Variants in ZMYND8 observed in about 807,000 individuals in gnomAD.
The protein encoded by ZMYND8 is zinc finger MYND-type containing 8, also known as MYND-type zinc finger-containing chromatin reader ZMYND8.
ZMYND8 carries 37 observed loss-of-function variants against 140.8 expected under a neutral mutation model. The observed-to-expected ratio is 0.26, with a 90% CI of 0.20 to 0.35. ZMYND8 has a LOEUF of 0.35. ZMYND8 is among the 10% of genes least tolerant of loss of function. The pLI, the probability that ZMYND8 is intolerant of heterozygous loss-of-function variation, is 1.00. For synonymous variants in ZMYND8, 592 were observed against 597.1 expected (o/e 0.99, Z 0.12); for missense variants, 1,068 against 1,570.0 (o/e 0.68, Z 5.40).
intron 11 of ZMYND8, among the ~76,000 whole-genome samples, chr20:47,270,373 C>CAAAAAA (rs10659368): frequency 8.6e-5 from 4 of 46,472 alleles, no homozygotes; most frequent in East Asian, 5.8e-4. Flanking sequence ...AACTCCATCT[C>CAAAAAA]AAAAAAAAAA....
intron 11 of ZMYND8, among the ~76,000 whole-genome samples, chr20:47,274,666 C>T (rs1324941340): frequency 6.6e-6 from 1 of 152,170 alleles, no homozygotes; most frequent in African/African-American, 2.4e-5. Flanking sequence ...AGCTCTATGA[C>T]TCAACCATGA....
At chr20:47,251,220 T>C (rs1357637243) in intron 12 of ZMYND8, among the ~76,000 whole-genome samples, 1 of 152,058 alleles carries the variant, frequency 6.6e-6, no homozygotes, top group Non-Finnish European at 1.5e-5. Flanking sequence ...TATCAGGGCT[T>C]TAAAGACAGG....
chr20:47,290,043 A>C (rs1166808852), intron 7 of ZMYND8, 144 bp downstream of exon 7: 1 of 682,106 alleles, frequency 1.5e-6, no homozygotes, highest in Non-Finnish European at 2.2e-6. Context: ...GAACTTGGTC[A>C]CTGCCTCCTA....
chr20:47,348,114 A>C, intron 1 of ZMYND8, 188 bp from the exon 2 acceptor site: 3 of 635,332 alleles, frequency 4.7e-6, no homozygotes, highest in Non-Finnish European at 8.4e-6. Context: ...TTTTTAAAAC[A>C]CTAGGTTGTT....
intron 2 of ZMYND8, among the ~76,000 whole-genome samples, chr20:47,338,805 G>A (rs567371954): frequency 4.6e-5 from 7 of 152,020 alleles, no homozygotes; most frequent in South Asian, 4.2e-4. Context: ...CCAAGCACCC[G>A]AGAAAATCCT....
At chr20:47,311,848 T>G (rs1480906006) in intron 2 of ZMYND8, among the ~76,000 whole-genome samples, 1 of 151,974 alleles carries the variant, frequency 6.6e-6, no homozygotes, top group Non-Finnish European at 1.5e-5. Context: ...CAAGCCTGGG[T>G]GACAAAAGTG....
At chr20:47,277,757 G>A (rs185834121) in intron 10 of ZMYND8, among the ~76,000 whole-genome samples, 3 of 151,792 alleles carry the variant, frequency 2.0e-5, no homozygotes, top group East Asian at 1.9e-4. Context: ...TGCAACCTCC[G>A]TCTCCTGGGT....
intron 12 of ZMYND8, among the ~76,000 whole-genome samples, chr20:47,254,229 T>C (rs1483003384): frequency 1.3e-5 from 2 of 152,122 alleles, no homozygotes; most frequent in South Asian, 2.1e-4. Flanking sequence ...GGATGAAAAA[T>C]ACTCACGCTA....
At chr20:47,286,761 T>C (rs1007087652) in intron 8 of ZMYND8, among the ~76,000 whole-genome samples, 3 of 152,176 alleles carry the variant, frequency 2.0e-5, no homozygotes, top group African/African-American at 7.2e-5. Flanking sequence ...GTCTGTTCCA[T>C]CCACGCCATC....
chr20:47,286,865 C>A (rs528852028), intron 8 of ZMYND8, among the ~76,000 whole-genome samples: 3 of 152,330 alleles, frequency 2.0e-5, no homozygotes, highest in African/African-American at 7.2e-5. Flanking sequence ...ATATCAAATC[C>A]TCTTCTGCAA....
chr20:47,334,427 A>G (rs892737681), intron 2 of ZMYND8, among the ~76,000 whole-genome samples: 1 of 152,088 alleles, frequency 6.6e-6, no homozygotes, highest in African/African-American at 2.4e-5. Context: ...GATTCCATTT[A>G]TATGAAATGT....
intron 11 of ZMYND8, 84 bp downstream of exon 11, chr20:47,276,230 C>CCT: frequency 6.9e-7 from 1 of 1,447,718 alleles, no homozygotes; most frequent in Non-Finnish European, 9.1e-7. Context: ...TTGATGCTCA[C>CCT]CTGCTTGGGC....
chr20:47,220,233 G>A (rs1474703861), intron 21 of ZMYND8, 25 bp downstream of exon 21: 5 of 1,547,836 alleles, frequency 3.2e-6, no homozygotes, highest in Admixed American at 1.9e-5. Context: ...TGAAAGCACC[G>A]TTCGCCCACC....
chr20:47,307,048 CTA>C (rs2078543291), intron 3 of ZMYND8, among the ~76,000 whole-genome samples: 3 of 152,206 alleles, frequency 2.0e-5, no homozygotes, highest in African/African-American at 7.2e-5. Flanking sequence ...TCCCAAATTT[CTA>C]TGTTGATGTT....
intron 2 of ZMYND8, among the ~76,000 whole-genome samples, chr20:47,313,712 A>C (rs942038569): frequency 2.6e-5 from 4 of 151,976 alleles, no homozygotes; most frequent in Non-Finnish European, 4.4e-5. Context: ...CAAGCGAATC[A>C]TCTGAGGTCA....
At chr20:47,316,954 G>C (rs1312465931) in intron 2 of ZMYND8, among the ~76,000 whole-genome samples, 2 of 152,090 alleles carry the variant, frequency 1.3e-5, no homozygotes, top group Non-Finnish European at 2.9e-5. Flanking sequence ...AGGCAGTGAG[G>C]CTCCGAGGGC....
chr20:47,310,441 G>T (rs1333235806), intron 2 of ZMYND8, among the ~76,000 whole-genome samples: 2 of 152,074 alleles, frequency 1.3e-5, no homozygotes, highest in Non-Finnish European at 2.9e-5. Flanking sequence ...TTAACTTGTT[G>T]CCAAGATACA....
intron 16 of ZMYND8, among the ~76,000 whole-genome samples, chr20:47,232,005 G>A (rs2038554183): frequency 6.6e-6 from 1 of 152,178 alleles, no homozygotes; most frequent in Admixed American, 6.5e-5. Context: ...TCAGAGACAG[G>A]AAAAGTTCAT....
intron 7 of ZMYND8, among the ~76,000 whole-genome samples, chr20:47,288,320 C>T (rs2077044758): frequency 6.6e-6 from 1 of 151,740 alleles, no homozygotes; most frequent in Non-Finnish European, 1.5e-5. Context: ...TACCTGACCT[C>T]ATCCACTTGT....
Sources: gnomAD v4.1 joint callset for allele counts (sites outside exome capture counted in the v4.1 genomes callset) on GRCh38, gnomAD v4.1.1 for gene constraint, MANE v1.5 for transcripts, NCBI Gene and HGNC (gene_info 2026-07-23, HGNC 2026-07-21) for gene names.